The following NEB variants were observed in gnomAD, a reference collection of about 807,000 sequenced individuals.
NEB encodes the protein nemaline myopathy type 2.
NEB carries 512 observed loss-of-function variants against 952.2 expected under a neutral mutation model. The ratio of observed to expected loss-of-function variants is 0.54; its 90% CI spans 0.50 to 0.58. The LOEUF (loss-of-function observed/expected upper bound fraction) is 0.58. NEB is among the 20% of genes least tolerant of loss of function. The pLI, the probability that NEB is intolerant of heterozygous loss-of-function variation, is 0.00. For synonymous variants in NEB, 2,900 were observed against 3,149.8 expected (o/e 0.92, Z 2.66); for missense variants, 8,428 against 9,231.1 (o/e 0.91, Z 3.56).
Position 151,610,879 on chromosome 2 carries a change from G to T in NEB, c.11806-13C>A. On this transcript the variant is annotated splice_polypyrimidine_tract_variant and intron_variant, in intron 78 of 181. Transcript: ENST00000397345. ...CTGTGTATAAATGCTACAGGGCAGG[G>T]CGGCATGGGGCATGGGGAGAGGGAG... The T allele has an allele frequency of 1.3e-6, 2 of 1,533,564 alleles. No individual in the cohort carries two copies. Among genetic ancestry groups the T allele is most frequent in the Non-Finnish European group, 1.8e-6 (2 of 1,127,548 alleles). The allele number at this position is 1,533,564 out of a possible 1,614,324, so 95.0% of individuals were successfully genotyped here. A position where few individuals can be genotyped will look rare whatever the true frequency, so the allele number is the denominator to read the frequency against.
At position 151,486,036 on chromosome 2, in the gene NEB, G is replaced by A. The variant is rs4602223; in HGVS notation, c.25405-103C>T. The A allele has an allele frequency of 4.3e-3, 5,210 of 1,223,158 alleles. 204 individuals carry two copies. In the African/African-American group the frequency reaches 0.07, roughly 16 times the overall value. 75.8% of individuals were successfully genotyped at this position (1,223,158 alleles called of 1,614,324 possible). On this transcript the variant is annotated intron_variant, in intron 181 of 181. Transcript: ENST00000397345. Reference sequence around the variant, plus strand: ...CTCATGACTGACTCCACAAACTTAAGTTGAACAAAAGAGAATGTGCAAGCA... The same window carrying A: ...CTCATGACTGACTCCACAAACTTAAATTGAACAAAAGAGAATGTGCAAGCA...
intron 65 of NEB, among the ~76,000 whole-genome samples, chr2:151,632,412 AC>A (rs897638534): frequency 3.3e-5 from 5 of 152,028 alleles, no homozygotes; most frequent in Non-Finnish European, 5.9e-5. Flanking sequence ...GTTGGGGTCC[AC>A]GCCTGTAATT....
intron 133 of NEB, 114 bp from the exon 134 acceptor site, chr2:151,546,557 C>CTTTTT (rs11436330): frequency 9.9e-5 from 35 of 352,192 alleles, no homozygotes; most frequent in South Asian, 2.0e-4. Context: ...GGTTCATCTA[C>CTTTTT]TTTTTTTTTT....
intron 3 of NEB, among the ~76,000 whole-genome samples, chr2:151,732,794 G>A (rs10172692): frequency 0.73 from 111,640 of 152,022 alleles, 43,184 homozygotes; most frequent in Non-Finnish European, 0.85. Flanking sequence ...CTTTCTCTTC[G>A]TCTCTGTCCC....
chr2:151,562,875 T>TA, intron 119 of NEB, 67 bp from the exon 120 acceptor site: 3 of 1,131,188 alleles, frequency 2.7e-6, no homozygotes, highest in Non-Finnish European at 2.6e-6. Context: ...CAATGTCTTT[T>TA]AGATCCTTAT....
chr2:151,714,348 T>C (rs931390722), intron 10 of NEB, among the ~76,000 whole-genome samples: 9 of 152,192 alleles, frequency 5.9e-5, no homozygotes, highest in East Asian at 1.9e-4. Context: ...CCCCAGACTA[T>C]TGTATGTTCT....
At position 151,497,214 on chromosome 2, in the gene NEB, A is replaced by C. The variant is rs185310275; in HGVS notation, c.24301-181T>G. ...TTTAGTGGAAGTTGTTGGGATGGGG[A>C]ATCTGCACCCTCTAGAGAAGCAGGG... On this transcript the variant is annotated intron_variant, in intron 171 of 181. Coordinates refer to ENST00000397345, the MANE Select transcript of NEB (RefSeq NM_001164508.2). The C allele has an allele frequency of 2.5e-5, 19 of 756,782 alleles. No homozygotes were observed. In the East Asian group the frequency reaches 1.4e-3, roughly 57 times the overall value. 46.9% of individuals were successfully genotyped at this position (756,782 alleles called of 1,614,324 possible). A position where few individuals can be genotyped will look rare whatever the true frequency, so the allele number is the denominator to read the frequency against.
intron 48 of NEB, among the ~76,000 whole-genome samples, chr2:151,656,847 G>GAA (rs34784156): frequency 0.021 from 3,125 of 146,632 alleles, 108 homozygotes; most frequent in East Asian, 0.073. Context: ...CACAGAAGAT[G>GAA]AAAAAAAAAA....
In NEB at chr2:151,502,849, T is replaced by G. The variant is rs778111805; in HGVS notation, c.23872A>C (p.Thr7958Pro). Reference sequence around the variant, plus strand: ...CTCTCCATCTCTGGAGTGATAGGTGTTGGGATTCCTTTCCCCAAATTTTCT... The same window carrying G: ...CTCTCCATCTCTGGAGTGATAGGTGGTGGGATTCCTTTCCCCAAATTTTCT... ...YKENLGKGIP[T>P]PITPEMERVK... The change falls in exon 167 of 182, where the codon ACA (threonine) becomes CCA (proline). Residue 7958 changes from threonine to proline, a missense_variant. Coordinates refer to ENST00000397345, the MANE Select transcript of NEB (RefSeq NM_001164508.2). 2.5e-6 allele frequency: 4 copies of G among 1,607,146 alleles called. No homozygotes were observed. In the South Asian group the frequency reaches 4.5e-5, roughly 18 times the overall value.
intron 68 of NEB, among the ~76,000 whole-genome samples, chr2:151,628,826 C>T (rs976545045): frequency 6.6e-6 from 1 of 152,078 alleles, no homozygotes; most frequent in Admixed American, 6.6e-5. Context: ...CATACCATTG[C>T]ACTCTAGCCT....
intron 23 of NEB, among the ~76,000 whole-genome samples, chr2:151,691,354 C>T (rs756040800): frequency 1.3e-5 from 2 of 152,222 alleles, no homozygotes; most frequent in Non-Finnish European, 2.9e-5. Context: ...AGACGCCCAT[C>T]CAGTCACTGT....
intron 46 of NEB, among the ~76,000 whole-genome samples, chr2:151,660,866 T>C (rs1187945860): frequency 6.6e-6 from 1 of 152,218 alleles, no homozygotes; most frequent in African/African-American, 2.4e-5. Context: ...TAATCCAATA[T>C]GGTAGAACCT....
intron 169 of NEB, 100 bp from the exon 170 acceptor site, chr2:151,498,452 G>A: frequency 1.3e-6 from 1 of 767,010 alleles, no homozygotes; most frequent in South Asian, 2.0e-5. Flanking sequence ...AAGAGAGTAA[G>A]TTAGAGGAAG....
At chr2:151,543,529 C>CT (rs1402461577) in intron 135 of NEB, among the ~76,000 whole-genome samples, 2 of 152,190 alleles carry the variant, frequency 1.3e-5, no homozygotes, top group African/African-American at 2.4e-5. Flanking sequence ...TAGTCCAACT[C>CT]TTCAGTTTAG....
intron 51 of NEB, 80 bp from the exon 52 acceptor site, chr2:151,654,179 C>T: frequency 1.3e-6 from 1 of 771,722 alleles, no homozygotes; most frequent in Non-Finnish European, 2.0e-6. Context: ...AGTTTACCTA[C>T]AGAGTGAATA....
At chr2:151,575,602 G>A in intron 107 of NEB, 93 bp downstream of exon 107, 1 of 904,716 alleles carries the variant, frequency 1.1e-6, no homozygotes, top group Non-Finnish European at 1.8e-6. Flanking sequence ...GGGAAGTCAG[G>A]GACCGAGTCC....
At chr2:151,541,038 C>G (rs539183430) in intron 136 of NEB, among the ~76,000 whole-genome samples, 1 of 151,974 alleles carries the variant, frequency 6.6e-6, no homozygotes, top group Admixed American at 6.6e-5. Context: ...TGAGTATGAT[C>G]CAAGCAAAGC....
chr2:151,631,149 C>T lies in NEB; in HGVS notation c.9612G>A (p.Met3204Ile). 6.2e-7 allele frequency: 1 copy of T among 1,613,870 alleles called. No homozygotes were observed. Among genetic ancestry groups the T allele is most frequent in the Non-Finnish European group, 8.5e-7 (1 of 1,179,798 alleles). Reference protein sequence around the residue: ...QVLAKNNALNMNKRLYTEAWD... With the variant: ...QVLAKNNALNINKRLYTEAWD... ...TAAGGCAGCTAGGACTCACCTTATT[C>T]ATGTTGAGAGCATTGTTCTTGGCCA... Residue 3204 changes from methionine (M) to isoleucine (I), a missense_variant, in exon 66 of 182, where the codon ATG becomes ATA. Met to Ile is a conservative substitution (Grantham distance 10, BLOSUM62 1). This residue lies in a region of NEB where 1,772 missense variants were observed against 1,960.3 expected (regional missense o/e 0.90). Coordinates refer to ENST00000397345, the MANE Select transcript of NEB (RefSeq NM_001164508.2).
chr2:151,721,273 G>A (rs111971842), intron 9 of NEB, among the ~76,000 whole-genome samples: 18 of 151,774 alleles, frequency 1.2e-4, no homozygotes, highest in East Asian at 5.8e-4. Flanking sequence ...GCTGTTTTCC[G>A]CTCCAAAATC....
Sources: allele counts gnomAD v4.1 joint callset (sites outside exome capture counted in the v4.1 genomes callset), GRCh38; gene constraint gnomAD v4.1.1; regional missense constraint gnomAD v4.1.1; transcripts MANE v1.5; gene names NCBI Gene and HGNC (gene_info 2026-07-23, HGNC 2026-07-21).